TULP3: variants seen among roughly 807,000 people sequenced by gnomAD.
TULP3 encodes the protein TUB like protein 3, also known as tubby-related protein 3.
In TULP3, 38 loss-of-function variants were observed where a neutral mutation model predicts 50.7. That is an observed-to-expected ratio of 0.75 (90% CI 0.58 to 0.98). The LOEUF (loss-of-function observed/expected upper bound fraction) is 0.98, where lower values mean the gene tolerates loss of function less well. TULP3 is among the 50% of genes least tolerant of loss of function. TULP3 has a pLI of 0.00. For missense variants in TULP3, 550 were observed against 568.0 expected (o/e 0.97, Z 0.32); for synonymous variants, 183 against 196.6 (o/e 0.93, Z 0.58).
chr12:2,939,877 A>G lies in TULP3; in HGVS notation c.*433A>G, dbSNP rs1278692534. 3 of 1,220,798 alleles carry G rather than the reference A, an allele frequency of 2.5e-6. No homozygotes were observed. Among genetic ancestry groups the G allele is most frequent in the African/African-American group, 1.6e-5 (1 of 63,836 alleles). 75.6% of individuals were successfully genotyped at this position (1,220,798 alleles called of 1,614,324 possible). A position where few individuals can be genotyped will look rare whatever the true frequency, so the allele number is the denominator to read the frequency against. On this transcript the variant is annotated 3_prime_UTR_variant, in exon 11 of 11. Transcript: ENST00000448120. This position sits in a 1 kb window ranked among gnomAD's most constrained non-coding sequence, Gnocchi z 4.0. ...ACTTGGTGAGGGATCACAGCTTAGC[A>G]TGGGTGAGAGATGATTTAAAGCACA...
chr12:2,913,620 A>T (rs1039543826), intron 2 of TULP3, among the ~76,000 whole-genome samples: 2 of 146,870 alleles, frequency 1.4e-5, no homozygotes, highest in East Asian at 4.1e-4. Flanking sequence ...TTATTTATTT[A>T]TTTTTTCTGA....
intron 1 of TULP3, among the ~76,000 whole-genome samples, chr12:2,891,228 G>A (rs1565493763): frequency 6.6e-6 from 1 of 152,126 alleles, no homozygotes; most frequent in Non-Finnish European, 1.5e-5. Flanking sequence ...TTTGGTTCAG[G>A]TCCCTGCTTA....
intron 2 of TULP3, among the ~76,000 whole-genome samples, chr12:2,913,290 C>T (rs551967615): frequency 6.6e-6 from 1 of 151,554 alleles, no homozygotes; most frequent in South Asian, 2.1e-4. Flanking sequence ...CTCTGTCACC[C>T]AGGCTGGAGT....
chr12:2,911,789 A>T (rs966071889), intron 2 of TULP3, among the ~76,000 whole-genome samples: 9 of 149,136 alleles, frequency 6.0e-5, no homozygotes, highest in African/African-American at 2.2e-4. Flanking sequence ...TTTTAAAATT[A>T]AAAAATCTCT....
chr12:2,900,241 C>T (rs1190543781), intron 1 of TULP3, among the ~76,000 whole-genome samples: 6 of 151,940 alleles, frequency 3.9e-5, no homozygotes, highest in Admixed American at 3.3e-4. Context: ...AACAAAAAAA[C>T]TTGGATTCTA....
At chr12:2,925,309 TAGG>T (rs2098194080) in intron 4 of TULP3, among the ~76,000 whole-genome samples, 1 of 152,114 alleles carries the variant, frequency 6.6e-6, no homozygotes, top group Admixed American at 6.6e-5. Flanking sequence ...GAAAGCTATT[TAGG>T]AGATCGTTTG....
chr12:2,932,502 C>T (rs976367751), intron 6 of TULP3, among the ~76,000 whole-genome samples: 2 of 151,066 alleles, frequency 1.3e-5, no homozygotes, highest in Non-Finnish European at 2.9e-5. Context: ...ATCACTTGAA[C>T]CTGGGAGGCA....
At chr12:2,902,570 C>G (rs1404432234) in intron 1 of TULP3, among the ~76,000 whole-genome samples, 1 of 152,166 alleles carries the variant, frequency 6.6e-6, no homozygotes, top group Non-Finnish European at 1.5e-5. Context: ...GTGTTACTGG[C>G]AGCTCGAAAA....
intron 8 of TULP3, among the ~76,000 whole-genome samples, chr12:2,936,143 A>G (rs902804467): frequency 6.6e-6 from 1 of 151,606 alleles, no homozygotes; most frequent in Non-Finnish European, 1.5e-5. Flanking sequence ...GGTGGCAGGC[A>G]CCTGTAATCC....
chr12:2,904,389 G>T (rs976108813), intron 1 of TULP3, among the ~76,000 whole-genome samples: 1 of 152,118 alleles, frequency 6.6e-6, no homozygotes, highest in Non-Finnish European at 1.5e-5. Context: ...TCAGGCTGCT[G>T]TGCAGGGTCA....
chr12:2,901,933 C>T (rs1346983146), intron 1 of TULP3, among the ~76,000 whole-genome samples: 1 of 152,114 alleles, frequency 6.6e-6, no homozygotes, highest in Non-Finnish European at 1.5e-5. Context: ...GGATGTTAGT[C>T]AATCTTCAAA....
At chr12:2,900,283 C>T (rs1331964538) in intron 1 of TULP3, among the ~76,000 whole-genome samples, 1 of 152,116 alleles carries the variant, frequency 6.6e-6, no homozygotes, top group Non-Finnish European at 1.5e-5. Flanking sequence ...GGTCTCTGGA[C>T]CGTACTTTCC....
At chr12:2,898,724 A>G (rs142899501) in intron 1 of TULP3, among the ~76,000 whole-genome samples, 1 of 152,148 alleles carries the variant, frequency 6.6e-6, no homozygotes, top group Non-Finnish European at 1.5e-5. Context: ...CTATGTGCCC[A>G]GGCTGAGTGC....
intron 4 of TULP3, 86 bp from the exon 5 acceptor site, chr12:2,930,162 T>C: frequency 1.0e-6 from 1 of 966,698 alleles, no homozygotes; most frequent in Non-Finnish European, 1.6e-6. Context: ...AAGAATGTTT[T>C]AAGCAAGAAA....
chr12:2,935,381 C>T (rs2098200476), intron 8 of TULP3, among the ~76,000 whole-genome samples: 2 of 152,212 alleles, frequency 1.3e-5, no homozygotes, highest in Non-Finnish European at 2.9e-5. Context: ...TTGTAACCCA[C>T]ATGTATTTGT....
intron 1 of TULP3, among the ~76,000 whole-genome samples, chr12:2,901,615 T>C (rs1177782858): frequency 1.3e-5 from 2 of 151,964 alleles, no homozygotes; most frequent in Non-Finnish European, 2.9e-5. Flanking sequence ...GCTCCTGGCC[T>C]CAAGTCATAT....
chr12:2,915,045 G>A (rs541748227), intron 2 of TULP3, among the ~76,000 whole-genome samples: 1 of 152,106 alleles, frequency 6.6e-6, no homozygotes, highest in East Asian at 1.9e-4. Context: ...CTGGAGTGTA[G>A]TGGCATGATC....
chr12:2,939,328 C>A lies in TULP3; in HGVS notation c.1213C>A (p.Gln405Lys), dbSNP rs768940984. Residue 405 changes from glutamine (Q) to lysine (K), a missense_variant, in exon 11 of 11, where the codon CAG becomes AAG. Gln to Lys is a moderately conservative substitution (Grantham distance 53, BLOSUM62 1). Transcript: ENST00000448120. The surrounding 1 kb of genome is among the most constrained non-coding windows in gnomAD (Gnocchi z 4.0). ...HKNDPDYIVMQFGRVADDVFT... is the reference protein window; with the variant it reads ...HKNDPDYIVMKFGRVADDVFT... Reference sequence around the variant, plus strand: ...GTTTCTAGCTGATTATATAGTCATGCAGTTTGGACGTGTGGCAGATGACGT... The same window carrying A: ...GTTTCTAGCTGATTATATAGTCATGAAGTTTGGACGTGTGGCAGATGACGT... 1 of 1,614,146 alleles carries A rather than the reference C, an allele frequency of 6.2e-7. No individual in the cohort carries two copies.
chr12:2,907,161 A>T (rs1295520083), intron 1 of TULP3, among the ~76,000 whole-genome samples: 1 of 151,902 alleles, frequency 6.6e-6, no homozygotes, highest in African/African-American at 2.4e-5. Flanking sequence ...AACATGGCAA[A>T]ACCCCATCTC....
Sources: gnomAD v4.1 joint callset for allele counts (sites outside exome capture counted in the v4.1 genomes callset) on GRCh38, gnomAD v4.1.1 for gene constraint, Gnocchi (gnomAD v3.1) non-coding constraint, MANE v1.5 for transcripts, NCBI Gene and HGNC (gene_info 2026-07-23, HGNC 2026-07-21) for gene names.